Variants in PTGIR observed in about 807,000 individuals in gnomAD.
PTGIR encodes prostacyclin receptor.
PTGIR carries 16 observed loss-of-function variants against 17.6 expected under a neutral mutation model. The observed-to-expected ratio is 0.91, with a 90% CI of 0.61 to 1.38. The LOEUF (loss-of-function observed/expected upper bound fraction) is 1.38. Ranked by LOEUF, PTGIR falls within the 40% of genes most tolerant of loss-of-function variation. The probability of loss-of-function intolerance (pLI) is 0.00; values close to 1 mark genes in which losing one functional copy is unlikely to be tolerated. For synonymous variants in PTGIR, 274 were observed against 255.4 expected (o/e 1.07, Z -0.69); for missense variants, 532 against 548.6 (o/e 0.97, Z 0.30).
chr19:46,613,624 G>A, the PTGIR span, among the ~76,000 whole-genome samples: 1 of 152,182 alleles, frequency 6.6e-6, no homozygotes, highest in South Asian at 2.1e-4. Context: ...GAGCCACCGC[G>A]CCCGGCCGTG....
chr19:46,612,252 T>TA, the PTGIR span, among the ~76,000 whole-genome samples: 1 of 152,214 alleles, frequency 6.6e-6, no homozygotes, highest in African/African-American at 2.4e-5. Flanking sequence ...GCAGATGCCT[T>TA]AGAGTTTCTG....
At chr19:46,615,926 C>A (rs1309299312), downstream of PTGIR, among the ~76,000 whole-genome samples, 1 of 151,990 alleles carries the variant, frequency 6.6e-6, no homozygotes, top group Non-Finnish European at 1.5e-5. Flanking sequence ...CTCCACCTCC[C>A]AAGTCGCTGG....
downstream of PTGIR, among the ~76,000 whole-genome samples, chr19:46,620,083 A>G (rs1187395267): frequency 6.6e-6 from 1 of 152,162 alleles, no homozygotes; most frequent in Non-Finnish European, 1.5e-5. Context: ...GGCAATCAGC[A>G]CTGCTGAATT....
the PTGIR span, among the ~76,000 whole-genome samples, chr19:46,610,990 G>T: frequency 1.3e-5 from 2 of 152,166 alleles, no homozygotes; most frequent in Non-Finnish European, 2.9e-5. Flanking sequence ...TCAACGGCAG[G>T]GTCCTGTCCT....
chr19:46,623,969 C>G lies in PTGIR; in HGVS notation c.257G>C (p.Arg86Pro), dbSNP rs771919888. 1.3e-6 allele frequency: 2 copies of G among 1,573,630 alleles called. No individual in the cohort carries two copies. Among genetic ancestry groups the G allele is most frequent in the African/African-American group, 2.7e-5 (2 of 73,732 alleles). The change falls in exon 2 of 3, where the codon CGA becomes CCA. Residue 86 changes from arginine to proline, a missense_variant. By Grantham distance (103) the Arg-to-Pro change is moderately radical (BLOSUM62 -2). Transcript: ENST00000291294. Reference sequence around the variant, plus strand: ...GGCATCGCACAGGGCGGGGCCGCCTCGGGCCAGGCCCAGCAGGGAGCTGTT... The same window carrying G: ...GGCATCGCACAGGGCGGGGCCGCCTGGGGCCAGGCCCAGCAGGGAGCTGTT... ...ARNSSLLGLA[R>P]GGPALCDAFA...
downstream of PTGIR, among the ~76,000 whole-genome samples, chr19:46,619,896 C>A (rs980743422): frequency 2.6e-5 from 4 of 152,268 alleles, no homozygotes; most frequent in South Asian, 8.3e-4. Context: ...CACCCTCCCC[C>A]ACCCTAAACG....
At chr19:46,618,310 G>A (rs1007134804), downstream of PTGIR, among the ~76,000 whole-genome samples, 5 of 151,254 alleles carry the variant, frequency 3.3e-5, no homozygotes, top group Admixed American at 6.6e-5. Context: ...CACTGCGCCC[G>A]GCCTAATTTT....
At chr19:46,612,782 G>C in the PTGIR span, among the ~76,000 whole-genome samples, 1 of 152,104 alleles carries the variant, frequency 6.6e-6, no homozygotes, top group African/African-American at 2.4e-5. Context: ...TTCTGGTCTA[G>C]TAGTTGAGTC....
downstream of PTGIR, among the ~76,000 whole-genome samples, chr19:46,617,499 C>T (rs1971979310): frequency 6.6e-6 from 1 of 152,146 alleles, no homozygotes; most frequent in African/African-American, 2.4e-5. Context: ...GCCCACAGAA[C>T]CCCAGCTTCT....
chr19:46,611,479 G>C, the PTGIR span, among the ~76,000 whole-genome samples: 2 of 152,202 alleles, frequency 1.3e-5, no homozygotes, highest in African/African-American at 4.8e-5. Flanking sequence ...CTCAGTGTTG[G>C]TTTGAAGATC....
downstream of PTGIR, among the ~76,000 whole-genome samples, chr19:46,616,996 G>A (rs1218727806): frequency 6.6e-6 from 1 of 152,244 alleles, no homozygotes; most frequent in Admixed American, 6.5e-5. Flanking sequence ...TCTTCAAGGA[G>A]GAAAAATGTA....
At position 46,624,015 on chromosome 19, in the gene PTGIR, C is replaced by T. The variant is rs753038598; in HGVS notation, c.211G>A (p.Val71Met). Reference protein sequence around the residue: ...LLGTSFLSPAVFVAYARNSSL... With the variant: ...LLGTSFLSPAMFVAYARNSSL... ...CTGTTGCGCGCATAGGCCACGAACA[C>T]GGCCGGGCTCAGGAAGCTGGTGCCC... The change falls in exon 2 of 3, where the codon GTG becomes ATG. Residue 71 changes from valine (V) to methionine (M), a missense_variant. Val to Met is a conservative substitution (Grantham distance 21). Coordinates refer to ENST00000291294, the MANE Select transcript of PTGIR (RefSeq NM_000960.4). 4.5e-6 allele frequency: 7 copies of T among 1,543,204 alleles called. No homozygotes were observed. Among genetic ancestry groups the T allele is most frequent in the South Asian group, 3.6e-5 (3 of 83,884 alleles).
chr19:46,620,256 C>A (rs922965506), downstream of PTGIR, among the ~76,000 whole-genome samples: 1 of 152,098 alleles, frequency 6.6e-6, no homozygotes, highest in South Asian at 2.1e-4. Flanking sequence ...TGCACCACCA[C>A]GCCCAGCTAA....
the PTGIR span, among the ~76,000 whole-genome samples, chr19:46,615,317 G>A: frequency 4.6e-5 from 7 of 152,322 alleles, no homozygotes; most frequent in Non-Finnish European, 7.4e-5. Context: ...AAAGGAGGAC[G>A]TATGTAGGTT....
chr19:46,622,293 C>T (rs543134520), intron 2 of PTGIR: 1 of 985,302 alleles, frequency 1.0e-6, no homozygotes, highest in Admixed American at 6.1e-5. Flanking sequence ...AGAGGGGAGC[C>T]AGGTAGGTGG....
chr19:46,618,105 C>G (rs951758958), downstream of PTGIR, among the ~76,000 whole-genome samples: 1 of 151,072 alleles, frequency 6.6e-6, no homozygotes, highest in African/African-American at 2.4e-5. Flanking sequence ...AGCTCTGCCT[C>G]CCGGGTTCAC....
At chr19:46,620,250 C>T (rs566525383), downstream of PTGIR, among the ~76,000 whole-genome samples, 1 of 152,236 alleles carries the variant, frequency 6.6e-6, no homozygotes, top group Non-Finnish European at 1.5e-5. Context: ...CAGGTGTGCA[C>T]CACCACGCCC....
chr19:46,617,666 G>T (rs1971981399), downstream of PTGIR, among the ~76,000 whole-genome samples: 1 of 152,156 alleles, frequency 6.6e-6, no homozygotes, highest in Non-Finnish European at 1.5e-5. Flanking sequence ...ACCTTCGGGG[G>T]TGACACAGAG....
chr19:46,614,395 A>G, the PTGIR span: 1 of 985,422 alleles, frequency 1.0e-6, no homozygotes. Flanking sequence ...TTTAAGTCCC[A>G]TTTGTGGGTC....
Sources: allele counts gnomAD v4.1 joint callset (sites outside exome capture counted in the v4.1 genomes callset), GRCh38; gene constraint gnomAD v4.1.1; transcripts MANE v1.5; gene names NCBI Gene and HGNC (gene_info 2026-07-23, HGNC 2026-07-21).